DNAH3: variants seen among roughly 807,000 people sequenced by gnomAD.
DNAH3 encodes the protein axonemal beta dynein heavy chain 3.
DNAH3 carries 332 observed loss-of-function variants against 432.5 expected under a neutral mutation model. The observed-to-expected ratio is 0.77, with a 90% confidence interval of 0.70 to 0.84. DNAH3 has a LOEUF of 0.84. DNAH3 is among the 40% of genes least tolerant of loss of function. The pLI, the probability that DNAH3 is intolerant of heterozygous loss-of-function variation, is 0.00. For synonymous variants in DNAH3, 1,956 were observed against 1,900.2 expected (o/e 1.03, Z -0.76); for missense variants, 4,861 against 5,114.0 (o/e 0.95, Z 1.51).
Position 21,037,860 on chromosome 16 carries a change from C to T in DNAH3, c.4851G>A (p.Lys1617=), listed in dbSNP as rs753728010. 3.1e-6 allele frequency: 5 copies of T among 1,614,096 alleles called. No individual in the cohort carries two copies. In the African/African-American group the frequency reaches 4.0e-5, roughly 13 times the overall value. The change falls in exon 34 of 62, where the codon AAG becomes AAA. Residue 1617 remains lysine, a synonymous_variant. Coordinates refer to ENST00000261383, the Ensembl canonical transcript of DNAH3. ...TTTCATTCTCCTCTGGATACTTGAG[C>T]TTCAGGTTTCCTGCGGCAGTAAGCA...
chr16:21,075,634 C>CAG (rs1340764232), intron 20 of DNAH3, 73 bp from the exon 21 acceptor site: 13 of 1,172,628 alleles, frequency 1.1e-5, no homozygotes, highest in Non-Finnish European at 1.3e-6. Flanking sequence ...AACTTCAGGC[C>CAG]AGGCATGGTG....
At chr16:21,120,437 C>T (rs1468169244) in intron 11 of DNAH3, among the ~76,000 whole-genome samples, 4 of 152,222 alleles carry the variant, frequency 2.6e-5, no homozygotes, top group South Asian at 2.1e-4. Flanking sequence ...ACCATATATA[C>T]GGCAGATCTT....
intron 58 of DNAH3, among the ~76,000 whole-genome samples, chr16:20,942,170 A>G (rs184401616): frequency 7.2e-4 from 110 of 152,238 alleles, no homozygotes; most frequent in Non-Finnish European, 1.4e-3. Flanking sequence ...GGGCAGCACT[A>G]AGCCTCTGTC....
intron 52 of DNAH3, among the ~76,000 whole-genome samples, chr16:20,969,182 A>C (rs898648732): frequency 1.4e-5 from 2 of 146,922 alleles, no homozygotes; most frequent in Non-Finnish European, 3.0e-5. Context: ...TTGGGTGTAT[A>C]TGCATGTGCA....
chr16:21,105,864 C>A (rs2091933015), intron 15 of DNAH3, among the ~76,000 whole-genome samples: 1 of 152,062 alleles, frequency 6.6e-6, no homozygotes, highest in Middle Eastern at 3.2e-3. Flanking sequence ...GAACACCAGA[C>A]ACAGATGCCA....
Position 20,980,069 on chromosome 16 carries a change from GTCATTTCT to G in DNAH3, c.7860-531_7860-524del, listed in dbSNP as rs2085787521. On this transcript the variant is annotated intron_variant, in intron 49 of 61. Coordinates refer to ENST00000261383, the Ensembl canonical transcript of DNAH3. ...CCAGCCACAAATGGTCTTTGATCAA[GTCATTTCT>G]ATCACTGATCCCTTTGATGAATCAC... Among the ~76,000 whole-genome samples the G allele has an allele frequency of 2.6e-5, 4 of 151,024 alleles. No individual in the cohort carries two copies. In the Admixed American group the frequency reaches 2.7e-4, roughly 10 times the overall value.
chr16:21,040,017 A>G, intron 32 of DNAH3, 74 bp from the exon 33 acceptor site: 1 of 1,253,730 alleles, frequency 8.0e-7, no homozygotes, highest in South Asian at 1.2e-5. Context: ...CACAGAAGCA[A>G]AGGGAAGTAG....
chr16:21,075,637 G>T, intron 20 of DNAH3, 76 bp from the exon 21 acceptor site: 1 of 1,141,236 alleles, frequency 8.8e-7, no homozygotes, highest in Non-Finnish European at 1.3e-6. Flanking sequence ...TTCAGGCCAG[G>T]CATGGTGGCT....
chr16:21,062,956 G>A, intron 24 of DNAH3: 1 of 366,220 alleles, frequency 2.7e-6, no homozygotes, highest in Non-Finnish European at 5.0e-6. Context: ...CTGAGTAGCT[G>A]GGATTACTGG....
intron 56 of DNAH3, among the ~76,000 whole-genome samples, chr16:20,950,004 C>T (rs1314734208): frequency 6.6e-6 from 1 of 152,012 alleles, no homozygotes; most frequent in South Asian, 2.1e-4. Context: ...ATATGGTTCA[C>T]TTCTATTTAT....
chr16:21,023,813 G>C (rs2088389228), intron 39 of DNAH3, among the ~76,000 whole-genome samples: 1 of 151,918 alleles, frequency 6.6e-6, no homozygotes, highest in Non-Finnish European at 1.5e-5. Flanking sequence ...GTGTGTGTGT[G>C]TGTGTGGACT....
At chr16:21,035,599 G>T (rs897163248) in intron 35 of DNAH3, among the ~76,000 whole-genome samples, 1 of 152,042 alleles carries the variant, frequency 6.6e-6, no homozygotes, top group Non-Finnish European at 1.5e-5. Flanking sequence ...GTAAAATCTG[G>T]GTGGTGAGTA....
chr16:21,148,230 TAAC>T (rs1356469717), intron 1 of DNAH3, among the ~76,000 whole-genome samples: 6 of 152,166 alleles, frequency 3.9e-5, no homozygotes, highest in Admixed American at 6.5e-5. Context: ...CCTCATTAAA[TAAC>T]AACAGAAAAA....
In DNAH3 at chr16:21,050,106, AT is replaced by A. The variant is rs564254941; in HGVS notation, c.4239-89del. 4.0e-6 allele frequency: 4 copies of A among 995,828 alleles called. No homozygotes were observed. In the East Asian group the frequency reaches 9.8e-5, roughly 24 times the overall value. The allele number at this position is 995,828 out of a possible 1,614,324, so 61.7% of individuals were successfully genotyped here. A position where few individuals can be genotyped will look rare whatever the true frequency, so the allele number is the denominator to read the frequency against. On this transcript the variant is annotated intron_variant, in intron 29 of 61. Coordinates refer to ENST00000261383, the Ensembl canonical transcript of DNAH3. Reference sequence around the variant, plus strand: ...TTCATTTATTTTGACTCATACAAATATTTAGGTTAGTGCAAAAGTGATTGCA... The same window carrying A: ...TTCATTTATTTTGACTCATACAAATATTAGGTTAGTGCAAAAGTGATTGCA...
chr16:21,151,848 T>C (rs556072079), intron 1 of DNAH3, among the ~76,000 whole-genome samples: 5 of 152,148 alleles, frequency 3.3e-5, no homozygotes, highest in Admixed American at 6.5e-5. Context: ...CTTAATGAGT[T>C]TTTTGGGGGT....
At chr16:21,003,326 G>T in intron 41 of DNAH3, 119 bp from the exon 42 acceptor site, 1 of 644,980 alleles carries the variant, frequency 1.6e-6, no homozygotes. Flanking sequence ...ACCAGTACTG[G>T]CATAGTTGTG....
intron 31 of DNAH3, among the ~76,000 whole-genome samples, chr16:21,048,759 T>TCTTG (rs2089830581): frequency 6.6e-6 from 1 of 151,818 alleles, no homozygotes; most frequent in Non-Finnish European, 1.5e-5. Context: ...AATGGTTAGA[T>TCTTG]CTTGGCTCAT....
chr16:21,081,735 G>A lies in DNAH3; in HGVS notation c.2878-8C>T, dbSNP rs1325034909. 6 of 1,611,926 alleles carry A rather than the reference G, an allele frequency of 3.7e-6. No homozygotes were observed. Among genetic ancestry groups the A allele is most frequent in the African/African-American group, 1.3e-5 (1 of 75,002 alleles). On this transcript the variant is annotated splice_polypyrimidine_tract_variant and splice_region_variant and intron_variant, in intron 19 of 61. Coordinates refer to ENST00000261383, the Ensembl canonical transcript of DNAH3. ...GCCAACAATCTCACTGATCTGCAAA[G>A]AAAAGAGGAAAGCAAATGTTTGTTG...
intron 3 of DNAH3, among the ~76,000 whole-genome samples, chr16:21,144,877 G>A (rs571468106): frequency 5.3e-5 from 8 of 152,090 alleles, no homozygotes; most frequent in East Asian, 3.9e-4. Context: ...CAGCACTTTC[G>A]GAGGTTGAGG....
Sources: gnomAD v4.1 joint callset for allele counts (sites outside exome capture counted in the v4.1 genomes callset) on GRCh38, gnomAD v4.1.1 for gene constraint, MANE v1.5 for transcripts, NCBI Gene and HGNC (gene_info 2026-07-23, HGNC 2026-07-21) for gene names.